SLMAP: variants seen among roughly 807,000 people sequenced by gnomAD.
SLMAP encodes the protein sarcolemmal membrane-associated protein.
A neutral mutation model predicts 128.8 loss-of-function variants in SLMAP; 44 were observed. That is an observed-to-expected ratio of 0.34 (90% CI 0.27 to 0.44). SLMAP has a LOEUF of 0.44. Ranked by LOEUF, SLMAP falls within the 20% of genes least tolerant of loss-of-function variation. The pLI is 1.00. For synonymous variants in SLMAP, 327 were observed against 348.8 expected (o/e 0.94, Z 0.70); for missense variants, 787 against 985.3 (o/e 0.80, Z 2.69).
Position 57,896,876 on chromosome 3 carries a change from C to A in SLMAP, c.1445C>A (p.Ala482Asp), listed in dbSNP as rs752912444. The part of the protein sequence containing the change: ...KEKSSDDTTD[A>D]QMDEQDLNEP... ...TGTATTTTTTTCCTCTCTGTAGACG[C>A]CCAAATGGATGAGCAAGACCTAAAT... The change falls in exon 17 of 25, where the codon GCC becomes GAC. Residue 482 changes from alanine to aspartate, a missense_variant. Ala to Asp is a moderately radical substitution (Grantham distance 126, BLOSUM62 -2). Transcript: ENST00000671191. The A allele has an allele frequency of 6.2e-7, 1 of 1,605,148 alleles. No homozygotes were observed. The highest frequency in any genetic ancestry group is 1.1e-5 in the South Asian group (1 of 88,586).
chr3:57,883,512 A>T (rs1170435897), intron 14 of SLMAP, among the ~76,000 whole-genome samples: 1 of 152,218 alleles, frequency 6.6e-6, no homozygotes. Context: ...ATGAACAAGC[A>T]CATAAAAGTA....
intron 6 of SLMAP, among the ~76,000 whole-genome samples, chr3:57,851,325 T>C (rs1224694271): frequency 6.6e-6 from 1 of 150,878 alleles, no homozygotes; most frequent in Non-Finnish European, 1.5e-5. Context: ...GTATAAATCT[T>C]TAAAAAGCAA....
Position 57,929,620 on chromosome 3 carries a change from G to A in SLMAP, c.*2331G>A, listed in dbSNP as rs185357629. Among the ~76,000 whole-genome samples the A allele has an allele frequency of 2.0e-5, 3 of 152,310 alleles. No individual in the cohort carries two copies. Among genetic ancestry groups the A allele is most frequent in the African/African-American group, 4.8e-5 (2 of 41,566 alleles). ...TCATTAAGAAATATTAAGCATTGCA[G>A]CTAAAAATTGAACAACCCTGTAATG... On this transcript the variant is annotated 3_prime_UTR_variant, in exon 25 of 25. Coordinates refer to ENST00000671191, the MANE Select transcript of SLMAP (RefSeq NM_001377540.1).
intron 2 of SLMAP, among the ~76,000 whole-genome samples, chr3:57,809,071 C>T (rs572473692): frequency 7.9e-5 from 12 of 152,274 alleles, no homozygotes; most frequent in South Asian, 2.1e-4. Context: ...AGGCAGGGAG[C>T]GGGCAGGAGC....
chr3:57,815,657 G>A (rs910921555), intron 2 of SLMAP, among the ~76,000 whole-genome samples: 2 of 151,298 alleles, frequency 1.3e-5, no homozygotes, highest in Non-Finnish European at 1.5e-5. Context: ...TTTTTAATTA[G>A]AGCAGGGTCT....
Position 57,929,400 on chromosome 3 carries a change from G to A in SLMAP, c.*2111G>A, listed in dbSNP as rs954584333. Among the ~76,000 whole-genome samples the A allele has an allele frequency of 2.0e-5, 3 of 152,054 alleles. No individual in the cohort carries two copies. The highest frequency in any genetic ancestry group is 7.2e-5 in the African/African-American group (3 of 41,400). The stretch of plus-strand genomic sequence containing the variant: ...GTTATTGTTAAAATGAGAGTCACTT[G>A]CTAGACTGGTCTCTTTAAATGTAAG... On this transcript the variant is annotated 3_prime_UTR_variant, in exon 25 of 25. Transcript: ENST00000671191.
At chr3:57,824,443 A>AT (rs1357357428) in intron 2 of SLMAP, among the ~76,000 whole-genome samples, 1 of 152,290 alleles carries the variant, frequency 6.6e-6, no homozygotes, top group African/African-American at 2.4e-5. Context: ...TGTGTATGGT[A>AT]TGAGGCAGGG....
At chr3:57,772,068 A>G (rs1576237840) in intron 2 of SLMAP, among the ~76,000 whole-genome samples, 1 of 152,220 alleles carries the variant, frequency 6.6e-6, no homozygotes, top group Non-Finnish European at 1.5e-5. Flanking sequence ...TTCTCGTTTA[A>G]TTGGAAAGCT....
chr3:57,910,882 G>C (rs1190838436), intron 19 of SLMAP, among the ~76,000 whole-genome samples: 1 of 152,134 alleles, frequency 6.6e-6, no homozygotes, highest in East Asian at 1.9e-4. Flanking sequence ...CAAGATACTT[G>C]CCCAAAAATA....
intron 15 of SLMAP, among the ~76,000 whole-genome samples, chr3:57,891,599 G>A (rs751915057): frequency 2.3e-4 from 34 of 149,940 alleles, no homozygotes; most frequent in Non-Finnish European, 4.4e-4. Context: ...TCCTTGAGAC[G>A]GAGTTTCGCT....
At chr3:57,868,798 ATATATAT>A (rs2095377445) in intron 13 of SLMAP, among the ~76,000 whole-genome samples, 1 of 21,084 alleles carries the variant, frequency 4.7e-5, no homozygotes, top group African/African-American at 1.6e-4. Context: ...CTAATGGAAT[ATATATAT>A]ATATATATAT....
At chr3:57,882,567 T>C (rs1007735656) in intron 14 of SLMAP, among the ~76,000 whole-genome samples, 5 of 152,244 alleles carry the variant, frequency 3.3e-5, no homozygotes, top group African/African-American at 1.2e-4. Flanking sequence ...CTGTAAGGTC[T>C]CTTGGCAGCT....
chr3:57,878,383 T>G (rs1272341889), intron 14 of SLMAP, among the ~76,000 whole-genome samples: 5 of 152,228 alleles, frequency 3.3e-5, no homozygotes, highest in African/African-American at 9.6e-5. Context: ...GAATACCGAT[T>G]ATAACAATTT....
chr3:57,841,229 A>G (rs1008454295), intron 3 of SLMAP, 70 bp from the exon 4 acceptor site: 18 of 866,466 alleles, frequency 2.1e-5, no homozygotes, highest in Non-Finnish European at 3.2e-5. Flanking sequence ...CTATGTTTAC[A>G]TATGAGAGGT....
At chr3:57,905,139 C>A (rs940266944) in intron 17 of SLMAP, among the ~76,000 whole-genome samples, 1 of 152,136 alleles carries the variant, frequency 6.6e-6, no homozygotes, top group Non-Finnish European at 1.5e-5. Context: ...TGCTTCTAGG[C>A]CCACTCAGTG....
intron 10 of SLMAP, among the ~76,000 whole-genome samples, chr3:57,863,621 G>A (rs1224471857): frequency 6.6e-6 from 1 of 152,128 alleles, no homozygotes; most frequent in Non-Finnish European, 1.5e-5. Context: ...TGGGAGAGGT[G>A]CCAGGCTCTT....
chr3:57,840,234 G>T (rs1182567259), intron 3 of SLMAP, among the ~76,000 whole-genome samples: 1 of 152,264 alleles, frequency 6.6e-6, no homozygotes, highest in South Asian at 2.1e-4. Flanking sequence ...GATTACAGGC[G>T]TGAGCCACCA....
intron 10 of SLMAP, among the ~76,000 whole-genome samples, chr3:57,863,528 C>A (rs1420316994): frequency 6.6e-6 from 1 of 152,204 alleles, no homozygotes; most frequent in Non-Finnish European, 1.5e-5. Flanking sequence ...GCTCACAGTT[C>A]TGCAGGCTGA....
intron 5 of SLMAP, among the ~76,000 whole-genome samples, chr3:57,848,305 T>C (rs527567625): frequency 6.7e-6 from 1 of 149,224 alleles, no homozygotes; most frequent in East Asian, 2.0e-4. Flanking sequence ...TCCTCCTCCT[T>C]CTCTCCCTTC....
Sources: allele counts gnomAD v4.1 joint callset (sites outside exome capture counted in the v4.1 genomes callset), GRCh38; gene constraint gnomAD v4.1.1; transcripts MANE v1.5; gene names NCBI Gene and HGNC (gene_info 2026-07-23, HGNC 2026-07-21).